Variants in NCOA6 observed in about 807,000 individuals in gnomAD.
The protein encoded by NCOA6 is NRC RAP250.
A neutral mutation model predicts 171.4 loss-of-function variants in NCOA6; 49 were observed. The observed-to-expected ratio is 0.29, with a 90% CI of 0.23 to 0.36. The LOEUF is 0.36. Among genes scored for constraint, NCOA6 ranks in the 10% least tolerant of loss-of-function variants. The pLI is 1.00. For synonymous variants in NCOA6, 910 were observed against 927.5 expected (o/e 0.98, Z 0.34); for missense variants, 2,248 against 2,554.5 (o/e 0.88, Z 2.59).
intron 14 of NCOA6, 40 bp downstream of exon 14, chr20:34,727,219 C>T (rs1600743183): frequency 6.2e-7 from 1 of 1,604,756 alleles, no homozygotes; most frequent in East Asian, 2.2e-5. Flanking sequence ...CTCTATTCCT[C>T]TATTTGACCC....
intron 10 of NCOA6, 76 bp from the exon 11 acceptor site, chr20:34,743,417 G>A: frequency 2.1e-6 from 3 of 1,451,792 alleles, no homozygotes. Flanking sequence ...GTATAGCCAA[G>A]CAATACTCAT....
rs1395131375 is a variant in NCOA6 at position 34,742,131 on chromosome 20, C to G, written c.4125G>C (p.Leu1375Phe). The change falls in exon 11 of 15, where the codon TTG (leucine) becomes TTC (phenylalanine). Residue 1375 changes from leucine to phenylalanine, a missense_variant. By Grantham distance (22) the Leu-to-Phe change is conservative. This residue lies in a region of NCOA6 where 884 missense variants were observed against 941.9 expected (regional missense o/e 0.94). Coordinates refer to ENST00000359003, the MANE Select transcript of NCOA6 (RefSeq NM_014071.5). ...GATTGGCCAGAGGAGTGGGACTGAC[C>G]AATACATTTCTCGGCAACTCCACAT... ...LQNVELPRNV[L>F]VSPTPLANPP... 2 of 1,613,994 alleles carry G rather than the reference C, an allele frequency of 1.2e-6. No individual in the cohort carries two copies. Among genetic ancestry groups the G allele is most frequent in the Non-Finnish European group, 1.7e-6 (2 of 1,180,038 alleles).
At chr20:34,820,470 T>C (rs1202837362) in intron 1 of NCOA6, 4 of 151,814 alleles carry the variant, frequency 2.6e-5, no homozygotes, top group African/African-American at 7.3e-5. Flanking sequence ...TTAAAACAGA[T>C]GTTTTAAAAT....
chr20:34,757,566 G>C lies in NCOA6; in HGVS notation c.1182C>G (p.Ser394Arg). The C allele has an allele frequency of 6.2e-7, 1 of 1,613,994 alleles. No individual in the cohort carries two copies. Among genetic ancestry groups the C allele is most frequent in the Non-Finnish European group, 8.5e-7 (1 of 1,179,958 alleles). ...SQAHTNFPQM[S>R]NPGQFTAPQM... Reference sequence around the variant, plus strand: ...GAGGAGCTGTGAACTGGCCTGGGTTGCTCATCTGAGGAAAGTTTGTGTGGG... The same window carrying C: ...GAGGAGCTGTGAACTGGCCTGGGTTCCTCATCTGAGGAAAGTTTGTGTGGG... The change falls in exon 7 of 15, where the codon AGC becomes AGG. Residue 394 changes from serine (S) to arginine (R), a missense_variant. Physicochemically the swap from Ser to Arg is moderately radical, Grantham distance 110. Around this residue, in one of 7 missense-constraint regions of NCOA6, gnomAD observed 987 missense variants for 1,104.7 expected, o/e 0.89. Transcript: ENST00000359003.
At chr20:34,743,868 T>C (rs1290151680) in intron 10 of NCOA6, among the ~76,000 whole-genome samples, 1 of 152,220 alleles carries the variant, frequency 6.6e-6, no homozygotes, top group Non-Finnish European at 1.5e-5. Context: ...TTTTATTCTT[T>C]CAACAGAAGT....
rs113785709 is a variant in NCOA6, at chr20:34,782,857, C to T, written c.-49-453G>A. ...CTCCAAACTACAAAGCACAACCAGACCTGACTAATAGCAACTGGATGATTA... is the reference window on the plus strand; with the variant it reads ...CTCCAAACTACAAAGCACAACCAGATCTGACTAATAGCAACTGGATGATTA... On this transcript the variant is annotated intron_variant, in intron 2 of 14. Coordinates refer to ENST00000359003, the MANE Select transcript of NCOA6 (RefSeq NM_014071.5). Among the ~76,000 whole-genome samples the T allele has an allele frequency of 6.8e-4, 104 of 152,266 alleles. 2 individuals are homozygous for T. The highest frequency in any genetic ancestry group is 2.2e-3 in the African/African-American group (92 of 41,550).
chr20:34,792,635 AATTAAAG>A, intron 1 of NCOA6, 72 bp from the exon 2 acceptor site: 1 of 397,980 alleles, frequency 2.5e-6, no homozygotes, highest in East Asian at 3.6e-5. Context: ...ATTATATAGA[AATTAAAG>A]ATTTCTTTAA....
chr20:34,754,912 T>C lies in NCOA6; in HGVS notation c.1529-44A>G, dbSNP rs150497178. ...GTAAGGCAGTTACCTAGCAAATTTA[T>C]ACTCTTGCTTAGATATGGAATGAAT... On this transcript the variant is annotated intron_variant, in intron 7 of 14. Coordinates refer to ENST00000359003, the MANE Select transcript of NCOA6 (RefSeq NM_014071.5). 3.0e-4 allele frequency: 481 copies of C among 1,600,522 alleles called. 4 individuals carry two copies. The African/African-American group carries it at 5.3e-3, about 18-fold the overall frequency.
At chr20:34,771,876 T>G (rs542262583) in intron 4 of NCOA6, among the ~76,000 whole-genome samples, 2 of 152,330 alleles carry the variant, frequency 1.3e-5, no homozygotes, top group African/African-American at 4.8e-5. Context: ...GAACATCTTG[T>G]TATTTCTGCA....
chr20:34,762,138 T>G (rs1429095442), intron 5 of NCOA6, among the ~76,000 whole-genome samples: 1 of 152,214 alleles, frequency 6.6e-6, no homozygotes, highest in Non-Finnish European at 1.5e-5. Context: ...GTTAAATACG[T>G]AAGAGTTTAG....
chr20:34,792,923 G>A (rs745738513), intron 1 of NCOA6, among the ~76,000 whole-genome samples: 9 of 151,652 alleles, frequency 5.9e-5, no homozygotes, highest in Non-Finnish European at 8.8e-5. Flanking sequence ...GACCACAGGC[G>A]CATGCCACCA....
chr20:34,798,546 C>A (rs1175800226), intron 1 of NCOA6, among the ~76,000 whole-genome samples: 1 of 152,202 alleles, frequency 6.6e-6, no homozygotes, highest in Non-Finnish European at 1.5e-5. Context: ...TTAGGTCTGA[C>A]CCAGTGTAGT....
chr20:34,732,713 A>G, intron 12 of NCOA6, 118 bp from the exon 13 acceptor site: 1 of 780,782 alleles, frequency 1.3e-6, no homozygotes, highest in South Asian at 1.7e-5. Flanking sequence ...GCCCAGCAGG[A>G]TTCTCACCCT....
intron 14 of NCOA6, 144 bp from the exon 15 acceptor site, chr20:34,715,509 T>TCA: frequency 3.1e-6 from 2 of 641,768 alleles, no homozygotes; most frequent in South Asian, 3.9e-5. Context: ...ATGGAGAGAG[T>TCA]CACAGGCTTT....
intron 14 of NCOA6, 93 bp from the exon 15 acceptor site, chr20:34,715,458 G>C: frequency 1.1e-6 from 1 of 896,244 alleles, no homozygotes; most frequent in Non-Finnish European, 1.9e-6. Context: ...GACCTAAGGG[G>C]AGCCCTACTC....
chr20:34,776,888 GCAGGTGGATCACGAGGT>G, intron 3 of NCOA6: 3 of 404,494 alleles, frequency 7.4e-6, no homozygotes, highest in South Asian at 5.4e-5. Context: ...GGAGGCCGAG[GCAGGTGGATCACGAGGT>G]CAGGAGTTCA....
intron 5 of NCOA6, among the ~76,000 whole-genome samples, chr20:34,763,639 C>T (rs554169975): frequency 1.3e-5 from 2 of 152,298 alleles, no homozygotes; most frequent in East Asian, 3.9e-4. Flanking sequence ...CAACAGTTAT[C>T]ACCAGTCTAG....
intron 10 of NCOA6, among the ~76,000 whole-genome samples, chr20:34,744,130 A>G (rs966876116): frequency 6.6e-6 from 1 of 152,348 alleles, no homozygotes; most frequent in East Asian, 1.9e-4. Context: ...ACTTTCTTAC[A>G]TGCAAATCTC....
In NCOA6 at chr20:34,715,295, C is replaced by T. The variant is rs1323757032; in HGVS notation, c.*27G>A. On this transcript the variant is annotated 3_prime_UTR_variant, in exon 15 of 15. Coordinates refer to ENST00000359003, the MANE Select transcript of NCOA6 (RefSeq NM_014071.5). ...TCTTTGTAAAAGTCACACACATTTC[C>T]AAGTATCAAGTCGCAGTCCTGCTTG... The T allele has an allele frequency of 1.9e-6, 3 of 1,613,764 alleles. No homozygotes were observed. Among genetic ancestry groups the T allele is most frequent in the Non-Finnish European group, 1.7e-6 (2 of 1,179,738 alleles).
Sources: allele counts gnomAD v4.1 joint callset (sites outside exome capture counted in the v4.1 genomes callset), GRCh38; gene constraint gnomAD v4.1.1; regional missense constraint gnomAD v4.1.1; transcripts MANE v1.5; gene names NCBI Gene and HGNC (gene_info 2026-07-23, HGNC 2026-07-21).